PLXNA2: variants seen among roughly 807,000 people sequenced by gnomAD.
The protein encoded by PLXNA2 is plexin A2.
In PLXNA2, 91 loss-of-function variants were observed where a neutral mutation model predicts 193.5. The observed-to-expected ratio is 0.47, with a 90% CI of 0.40 to 0.56. The LOEUF (loss-of-function observed/expected upper bound fraction) is 0.56, where lower values mean the gene tolerates loss of function less well. Among genes scored for constraint, PLXNA2 ranks in the 20% least tolerant of loss-of-function variants. The pLI is 0.00. For synonymous variants in PLXNA2, 997 were observed against 1,027.3 expected (o/e 0.97, Z 0.56); for missense variants, 1,995 against 2,503.2 (o/e 0.80, Z 4.33).
At chr1:208,112,878 T>C (rs145643775) in intron 4 of PLXNA2, among the ~76,000 whole-genome samples, 1 of 151,772 alleles carries the variant, frequency 6.6e-6, no homozygotes, top group Non-Finnish European at 1.5e-5. Flanking sequence ...GGGTAGGAAA[T>C]CTTATGGGCA....
chr1:208,178,282 C>T (rs1427640534), intron 3 of PLXNA2, among the ~76,000 whole-genome samples: 1 of 152,144 alleles, frequency 6.6e-6, no homozygotes, highest in Non-Finnish European at 1.5e-5. Flanking sequence ...AATGTGCAGC[C>T]AGGTGCCTGT....
At chr1:208,179,974 G>C (rs898276814) in intron 3 of PLXNA2, among the ~76,000 whole-genome samples, 1 of 152,082 alleles carries the variant, frequency 6.6e-6, no homozygotes, top group African/African-American at 2.4e-5. Context: ...GGATCAAAGG[G>C]AACAAGCAAA....
intron 4 of PLXNA2, among the ~76,000 whole-genome samples, chr1:208,129,507 AATCCTTGCCTTCAGCTCTGCCAGT>A (rs1316477681): frequency 6.6e-6 from 1 of 152,192 alleles, no homozygotes; most frequent in Non-Finnish European, 1.5e-5. Context: ...GATGCCTCCT[AATCCTTGCCTTCAGCTCTGCCAGT>A]ATCAAGTTTT....
At chr1:208,097,545 G>A (rs141007838) in intron 6 of PLXNA2, among the ~76,000 whole-genome samples, 1 of 152,224 alleles carries the variant, frequency 6.6e-6, no homozygotes, top group Non-Finnish European at 1.5e-5. Context: ...ATTACCTATG[G>A]GTTCCAATCA....
Position 208,142,374 on chromosome 1 carries a change from G to A in PLXNA2, c.1461C>T (p.Ala487=). Residue 487 remains alanine (A), a synonymous_variant, in exon 4 of 32, where the codon GCC becomes GCT. Coordinates refer to ENST00000367033, the MANE Select transcript of PLXNA2 (RefSeq NM_025179.4). The part of the protein sequence containing the change: ...KDGSPILRDM[A]FSIDQRYLYV... ...ACAGGTAGCGCTGATCAATGGAGAAGGCCATGTCCCGGAGGATGGGGCTTC... is the reference window on the plus strand; with the variant it reads ...ACAGGTAGCGCTGATCAATGGAGAAAGCCATGTCCCGGAGGATGGGGCTTC... 1 of 1,613,912 alleles carries A rather than the reference G, an allele frequency of 6.2e-7. No homozygotes were observed. The highest frequency in any genetic ancestry group is 8.5e-7 in the Non-Finnish European group (1 of 1,179,902).
intron 3 of PLXNA2, among the ~76,000 whole-genome samples, chr1:208,150,396 G>C (rs1316449372): frequency 6.6e-6 from 1 of 152,156 alleles, no homozygotes; most frequent in Non-Finnish European, 1.5e-5. Context: ...GAGAGTCCTG[G>C]ATTTCAGGGG....
chr1:208,106,800 A>G (rs1667283840), intron 4 of PLXNA2, among the ~76,000 whole-genome samples: 1 of 152,238 alleles, frequency 6.6e-6, no homozygotes, highest in Admixed American at 6.5e-5. Flanking sequence ...CTTGTGGCTC[A>G]TATTTTATTT....
intron 2 of PLXNA2, among the ~76,000 whole-genome samples, chr1:208,212,086 T>A (rs1670976215): frequency 6.6e-6 from 1 of 152,170 alleles, no homozygotes; most frequent in African/African-American, 2.4e-5. Context: ...TCTGGGTCTG[T>A]GAAGGCATCC....
chr1:208,129,367 G>A (rs1289747078), intron 4 of PLXNA2, among the ~76,000 whole-genome samples: 1 of 152,142 alleles, frequency 6.6e-6, no homozygotes. Context: ...GGGGCTGGGT[G>A]CATGATGGCT....
Position 208,051,056 on chromosome 1 carries a change from G to C in PLXNA2, c.3208C>G (p.Gln1070Glu). The C allele has an allele frequency of 1.2e-6, 2 of 1,614,144 alleles. No homozygotes were observed. Among genetic ancestry groups the C allele is most frequent in the Non-Finnish European group, 1.7e-6 (2 of 1,180,000 alleles). ...TITGFNLDVI[Q>E]EPRIRVKFNG... is the part of the protein sequence containing the mutation. ...AATTTGACTCGGATCCTTGGCTCCT[G>C]AATGACATCCAGGTTGAAGCCTGTG... Residue 1070 changes from glutamine (Q) to glutamate (E), a missense_variant, in exon 17 of 32, where the codon CAG (glutamine) becomes GAG (glutamate). Gln to Glu is a conservative substitution (Grantham distance 29, BLOSUM62 2). Coordinates refer to ENST00000367033, the MANE Select transcript of PLXNA2 (RefSeq NM_025179.4).
chr1:208,160,368 A>C (rs568839611), intron 3 of PLXNA2, among the ~76,000 whole-genome samples: 38 of 152,284 alleles, frequency 2.5e-4, no homozygotes, highest in Middle Eastern at 3.4e-3. Flanking sequence ...TGTGCTTGTA[A>C]GGAGAGCCAC....
intron 1 of PLXNA2, among the ~76,000 whole-genome samples, chr1:208,226,986 C>A (rs901743175): frequency 4.6e-5 from 7 of 152,258 alleles, no homozygotes; most frequent in Non-Finnish European, 1.0e-4. Flanking sequence ...CGAGAAAGGT[C>A]ATCCCACCTC....
chr1:208,026,214 G>A lies in PLXNA2; in HGVS notation c.*1029C>T, dbSNP rs1351397400. On this transcript the variant is annotated 3_prime_UTR_variant, in exon 32 of 32. Coordinates refer to ENST00000367033, the MANE Select transcript of PLXNA2 (RefSeq NM_025179.4). ...GGAGGCCTGGCCCACACACCTCCAGGCCGTTTCCCCAGGGTGCCTGGTTTA... is the reference window on the plus strand; with the variant it reads ...GGAGGCCTGGCCCACACACCTCCAGACCGTTTCCCCAGGGTGCCTGGTTTA... The A allele has an allele frequency of 1.3e-5, 2 of 152,440 alleles. No individual in the cohort carries two copies. The highest frequency in any genetic ancestry group is 6.5e-5 in the Admixed American group (1 of 15,286). 9.4% of individuals were successfully genotyped at this position (152,440 alleles called of 1,614,324 possible).
At chr1:208,191,380 AG>A (rs1670176811) in intron 3 of PLXNA2, among the ~76,000 whole-genome samples, 1 of 152,124 alleles carries the variant, frequency 6.6e-6, no homozygotes, top group Non-Finnish European at 1.5e-5. Context: ...CTTTTATATT[AG>A]CTGTTACTAT....
At position 208,051,120 on chromosome 1, in the gene PLXNA2, C is replaced by A; in HGVS notation, c.3162-18G>T. The A allele has an allele frequency of 6.2e-7, 1 of 1,609,820 alleles. No homozygotes were observed. Among genetic ancestry groups the A allele is most frequent in the Non-Finnish European group, 8.5e-7 (1 of 1,176,210 alleles). ...TGTGGCCACTGAAAACAGGCAGAGG[C>A]TCGGTTAGGTAAAAAACCCCCTCAA... is the stretch of plus-strand genomic sequence containing the variant. On this transcript the variant is annotated intron_variant, in intron 16 of 31. Transcript: ENST00000367033.
At chr1:208,216,292 T>C (rs1671126988) in intron 2 of PLXNA2, among the ~76,000 whole-genome samples, 1 of 152,198 alleles carries the variant, frequency 6.6e-6, no homozygotes, top group Admixed American at 6.5e-5. Context: ...GACACCACTT[T>C]CTCAATGAGT....
chr1:208,044,824 G>T lies in PLXNA2; in HGVS notation c.3640-82C>A. On this transcript the variant is annotated intron_variant, in intron 19 of 31. Transcript: ENST00000367033. This position sits in a 1 kb window ranked among gnomAD's most constrained non-coding sequence, Gnocchi z 4.9. ...ATGCCAGCAGATCCTTACAGTGCGAGGAAGGACATGACAGACCACAACCAC... is the reference window on the plus strand; with the variant it reads ...ATGCCAGCAGATCCTTACAGTGCGATGAAGGACATGACAGACCACAACCAC... The T allele has an allele frequency of 8.5e-7, 1 of 1,174,690 alleles. No individual in the cohort carries two copies. Among genetic ancestry groups the T allele is most frequent in the Non-Finnish European group, 1.2e-6 (1 of 808,536 alleles). 72.8% of individuals were successfully genotyped at this position (1,174,690 alleles called of 1,614,324 possible).
intron 26 of PLXNA2, among the ~76,000 whole-genome samples, chr1:208,035,387 C>T (rs1664639205): frequency 1.3e-5 from 2 of 152,182 alleles, no homozygotes; most frequent in African/African-American, 2.4e-5. Flanking sequence ...GACCTGGGTC[C>T]TATAATGCCT....
chr1:208,022,408 A>G lies in PLXNA2; in HGVS notation c.*4835T>C, dbSNP rs764390420. Reference sequence around the variant, plus strand: ...ACCCCACTTTATTGGAACATTTTAAATACTTAATTTTCTTACAGTTTTTAT... The same window carrying G: ...ACCCCACTTTATTGGAACATTTTAAGTACTTAATTTTCTTACAGTTTTTAT... On this transcript the variant is annotated 3_prime_UTR_variant, in exon 32 of 32. Coordinates refer to ENST00000367033, the MANE Select transcript of PLXNA2 (RefSeq NM_025179.4). 5.2e-5 allele frequency: 8 copies of G among 152,612 alleles called. No homozygotes were observed. Among genetic ancestry groups the G allele is most frequent in the Non-Finnish European group, 5.9e-5 (4 of 68,048 alleles). The allele number at this position is 152,612 out of a possible 1,614,324, so 9.5% of individuals were successfully genotyped here. A position where few individuals can be genotyped will look rare whatever the true frequency, so the allele number is the denominator to read the frequency against.
Sources: gnomAD v4.1 joint callset for allele counts (sites outside exome capture counted in the v4.1 genomes callset) on GRCh38, gnomAD v4.1.1 for gene constraint, Gnocchi (gnomAD v3.1) non-coding constraint, MANE v1.5 for transcripts, NCBI Gene and HGNC (gene_info 2026-07-23, HGNC 2026-07-21) for gene names.